The following TRIM22 variants were observed in gnomAD, a reference collection of about 807,000 sequenced individuals.
TRIM22 encodes the protein tripartite motif containing 22.
TRIM22 carries 45 observed loss-of-function variants against 53.6 expected under a neutral mutation model. That is an observed-to-expected ratio of 0.84 (90% CI 0.66 to 1.08). TRIM22 has a LOEUF of 1.08. Among genes scored for constraint, TRIM22 ranks in the 50% least tolerant of loss-of-function variants. The pLI is 0.00. For missense variants in TRIM22, 616 were observed against 590.9 expected, an observed-to-expected ratio of 1.04 and a Z score of -0.44; for synonymous variants, 225 against 216.6, an observed-to-expected ratio of 1.04 and a Z score of -0.34.
chr11:5,699,894 T>C (rs945453218), intron 4 of TRIM22, among the ~76,000 whole-genome samples: 1 of 151,960 alleles, frequency 6.6e-6, no homozygotes, highest in Non-Finnish European at 1.5e-5. Flanking sequence ...TTTGGTGCTA[T>C]TGTAATTTTT....
Position 5,693,321 on chromosome 11 carries a change from C to T in TRIM22, c.-66-2846C>T, listed in dbSNP as rs76718981. The stretch of plus-strand genomic sequence containing the variant: ...ACCGTGTCATAGAAACTTCTACATT[C>T]GCACCACCTTCAAAGGGGAGCATGC... On this transcript the variant is annotated intron_variant, in intron 1 of 7. Coordinates refer to ENST00000379965, the MANE Select transcript of TRIM22 (RefSeq NM_006074.5). 6.2e-3 allele frequency among the ~76,000 whole-genome samples: 941 copies of T among 151,618 alleles called. 8 individuals are homozygous for T. Among genetic ancestry groups the T allele is most frequent in the South Asian group, 0.031 (150 of 4,806 alleles).
chr11:5,691,803 T>C (rs1853177260), intron 1 of TRIM22, among the ~76,000 whole-genome samples: 1 of 152,206 alleles, frequency 6.6e-6, no homozygotes, highest in African/African-American at 2.4e-5. Context: ...ATGTCACCCA[T>C]ATTCTGATGT....
intron 1 of TRIM22, among the ~76,000 whole-genome samples, chr11:5,690,697 A>G (rs1418013352): frequency 6.6e-6 from 1 of 152,154 alleles, no homozygotes; most frequent in African/African-American, 2.4e-5. Flanking sequence ...CTATTCTGTC[A>G]TTTTGATTTT....
chr11:5,709,558 C>T lies in TRIM22; in HGVS notation c.1407C>T (p.Phe469=). ...ACCACGGAGCACTCATCTACAAGTT[C>T]TCTGGATGTCGCTTTTCTCGACCTG... ...VTNHGALIYK[F]SGCRFSRPAY... Residue 469 remains phenylalanine, a synonymous_variant, in exon 8 of 8, where the codon TTC becomes TTT. Coordinates refer to ENST00000379965, the MANE Select transcript of TRIM22 (RefSeq NM_006074.5). 2 of 1,614,110 alleles carry T rather than the reference C, an allele frequency of 1.2e-6. No individual in the cohort carries two copies. Among genetic ancestry groups the T allele is most frequent in the Non-Finnish European group, 1.7e-6 (2 of 1,180,040 alleles).
At position 5,696,404 on chromosome 11, in the gene TRIM22, G is replaced by C. The variant is rs1345563330; in HGVS notation, c.172G>C (p.Val58Leu). 2 of 1,614,258 alleles carry C rather than the reference G, an allele frequency of 1.2e-6. No homozygotes were observed. Among genetic ancestry groups the C allele is most frequent in the Middle Eastern group, 1.6e-4 (1 of 6,062 alleles). The stretch of plus-strand genomic sequence containing the variant: ...CTCAAGAGGGGAAAGCAGCTGTCCT[G>C]TGTGTCAGACCAGATTCCAGCCTGG... ...IISRGESSCP[V>L]CQTRFQPGNL... The change falls in exon 2 of 8, where the codon GTG (valine) becomes CTG (leucine). Residue 58 changes from valine (V) to leucine (L), a missense_variant. Val to Leu is a conservative substitution (Grantham distance 32, BLOSUM62 1). Transcript: ENST00000379965.
Position 5,696,321 on chromosome 11 carries a change from G to A in TRIM22, c.89G>A (p.Cys30Tyr). ...ELLTEPLSLD[C>Y]GHSFCQACIT... Reference sequence around the variant, plus strand: ...CTGACAGAACCTCTGAGCCTAGATTGTGGCCACAGCTTCTGCCAAGCCTGC... The same window carrying A: ...CTGACAGAACCTCTGAGCCTAGATTATGGCCACAGCTTCTGCCAAGCCTGC... The change falls in exon 2 of 8, where the codon TGT becomes TAT. Residue 30 changes from cysteine (C) to tyrosine (Y), a missense_variant. Cys to Tyr is a radical substitution (Grantham distance 194). Transcript: ENST00000379965. 6.2e-7 allele frequency: 1 copy of A among 1,614,242 alleles called. No individual in the cohort carries two copies. The highest frequency in any genetic ancestry group is 2.2e-5 in the East Asian group (1 of 44,886).
intron 4 of TRIM22, among the ~76,000 whole-genome samples, chr11:5,704,757 T>C (rs555150993): frequency 1.3e-5 from 2 of 152,242 alleles, no homozygotes; most frequent in Non-Finnish European, 2.9e-5. Context: ...AGGAGTTTTA[T>C]ATCTTTAGGT....
At chr11:5,707,098 G>C (rs552667675) in intron 5 of TRIM22, among the ~76,000 whole-genome samples, 2 of 152,124 alleles carry the variant, frequency 1.3e-5, no homozygotes, top group Admixed American at 6.5e-5. Context: ...TTTGGTCCTG[G>C]TGCTAGCATA....
rs1269812075 is a variant in TRIM22, at chr11:5,696,598, T to G, written c.366T>G (p.Ser122=). The G allele has an allele frequency of 1.2e-6, 2 of 1,613,814 alleles. No homozygotes were observed. The highest frequency in any genetic ancestry group is 1.3e-5 in the African/African-American group (1 of 74,934). The change falls in exon 2 of 8, where the codon TCT becomes TCG. Residue 122 remains serine (S), a synonymous_variant. Coordinates refer to ENST00000379965, the MANE Select transcript of TRIM22 (RefSeq NM_006074.5). The stretch of plus-strand genomic sequence containing the variant: ...TCATTTGCTGGGTTTGTGAACTGTC[T>G]CAGGAACACCAAGGTCACCAAACAT... ...GKVICWVCEL[S]QEHQGHQTFR...
At chr11:5,690,373 C>T (rs999630309) in intron 1 of TRIM22, among the ~76,000 whole-genome samples, 1 of 152,108 alleles carries the variant, frequency 6.6e-6, no homozygotes, top group African/African-American at 2.4e-5. Flanking sequence ...TGGCTGGAGT[C>T]GGCCACACAA....
Position 5,708,594 on chromosome 11 carries a change from T to C in TRIM22, c.892T>C (p.Tyr298His). Reference sequence around the variant, plus strand: ...CGTTTCAGAGCTGACAGATGTCCAGTACTACTGGGGTAAGATGATATGGGG... The same window carrying C: ...CGTTTCAGAGCTGACAGATGTCCAGCACTACTGGGGTAAGATGATATGGGG... ...QVLKELTDVQ[Y>H]YWVDVMLNPG... The change falls in exon 7 of 8, where the codon TAC becomes CAC. Residue 298 changes from tyrosine (Y) to histidine (H), a missense_variant. Physicochemically the swap from Tyr to His is moderately conservative, Grantham distance 83. Coordinates refer to ENST00000379965, the MANE Select transcript of TRIM22 (RefSeq NM_006074.5). The C allele has an allele frequency of 1.9e-6, 3 of 1,607,746 alleles. No individual in the cohort carries two copies. The highest frequency in any genetic ancestry group is 2.5e-6 in the Non-Finnish European group (3 of 1,178,284).
At chr11:5,698,055 A>G (rs1853298322) in intron 3 of TRIM22, 1 of 409,210 alleles carries the variant, frequency 2.4e-6, no homozygotes, top group Admixed American at 3.5e-5. Context: ...ACAGGTGTCT[A>G]CAATCCAAGC....
At chr11:5,698,691 C>A (rs539613395) in intron 4 of TRIM22, 146 bp downstream of exon 4, 1 of 646,070 alleles carries the variant, frequency 1.5e-6, no homozygotes, top group Non-Finnish European at 2.7e-6. Context: ...TTATGCCCAT[C>A]ATTTCAGGGG....
intron 1 of TRIM22, among the ~76,000 whole-genome samples, chr11:5,695,713 A>G (rs1280373758): frequency 6.6e-6 from 1 of 152,194 alleles, no homozygotes; most frequent in African/African-American, 2.4e-5. Flanking sequence ...ACAATTCAAT[A>G]GCTTAAAAAT....
intron 6 of TRIM22, 135 bp from the exon 7 acceptor site, chr11:5,708,442 C>T: frequency 1.0e-6 from 1 of 1,002,336 alleles, no homozygotes; most frequent in Non-Finnish European, 1.5e-6. Context: ...GACCAGGTGT[C>T]TGATTCATCC....
rs1853458288 is a variant in TRIM22, at chr11:5,706,524, T to C, written c.751-70T>C. 2.1e-5 allele frequency: 31 copies of C among 1,496,296 alleles called. No homozygotes were observed. In the South Asian group the frequency reaches 3.7e-4, roughly 18 times the overall value. The allele number at this position is 1,496,296 out of a possible 1,614,324, so 92.7% of individuals were successfully genotyped here. ...TATATTGTTTATCCCAAATTCTAATTGAACTAGCCACTTTTATGTTCTAAA... is the reference window on the plus strand; with the variant it reads ...TATATTGTTTATCCCAAATTCTAATCGAACTAGCCACTTTTATGTTCTAAA... On this transcript the variant is annotated intron_variant, in intron 4 of 7. Transcript: ENST00000379965.
chr11:5,699,776 C>A (rs1214066737), intron 4 of TRIM22, among the ~76,000 whole-genome samples: 1 of 140,652 alleles, frequency 7.1e-6, no homozygotes, highest in African/African-American at 2.6e-5. Flanking sequence ...ATAATGGTAT[C>A]TCAATGCAGT....
chr11:5,710,267 A>G lies in TRIM22; in HGVS notation c.*619A>G, dbSNP rs199552172. ...GGTTTCACTAGTAGTAAACATTATTATTTTTTTTATATTTGCAAAGGAAAC... is the reference window on the plus strand; with the variant it reads ...GGTTTCACTAGTAGTAAACATTATTGTTTTTTTTATATTTGCAAAGGAAAC... On this transcript the variant is annotated 3_prime_UTR_variant, in exon 8 of 8. Transcript: ENST00000379965. 1 of 139,930 alleles carries G rather than the reference A, an allele frequency of 7.1e-6. No homozygotes were observed. Among genetic ancestry groups the G allele is most frequent in the Non-Finnish European group, 1.5e-5 (1 of 65,442 alleles). The allele number at this position is 139,930 out of a possible 1,614,324, so 8.7% of individuals were successfully genotyped here. A position where few individuals can be genotyped will look rare whatever the true frequency, so the allele number is the denominator to read the frequency against.
At chr11:5,692,027 A>G (rs934300266) in intron 1 of TRIM22, among the ~76,000 whole-genome samples, 2 of 152,226 alleles carry the variant, frequency 1.3e-5, no homozygotes, top group African/African-American at 2.4e-5. Context: ...AACAAAAACA[A>G]AAACAAAAAA....
Sources: gnomAD v4.1 joint callset for allele counts (sites outside exome capture counted in the v4.1 genomes callset) on GRCh38, gnomAD v4.1.1 for gene constraint, MANE v1.5 for transcripts, NCBI Gene and HGNC (gene_info 2026-07-23, HGNC 2026-07-21) for gene names.